Variants in CAMTA1 observed in about 807,000 individuals in gnomAD.
CAMTA1 encodes calmodulin binding transcription activator 1.
In CAMTA1, 27 loss-of-function variants were observed where a neutral mutation model predicts 170.9. That is an observed-to-expected ratio of 0.16 (90% CI 0.12 to 0.22). CAMTA1 has a LOEUF of 0.22. Ranked by LOEUF, CAMTA1 falls within the 10% of genes least tolerant of loss-of-function variation. The pLI is 1.00. For synonymous variants in CAMTA1, 833 were observed against 891.5 expected, an observed-to-expected ratio of 0.93 and a Z score of 1.17; for missense variants, 1,619 against 2,217.2, an observed-to-expected ratio of 0.73 and a Z score of 5.42.
At chr1:7,746,128 T>A (rs1234731848) in intron 18 of CAMTA1, 37 bp downstream of exon 18, 1 of 1,604,126 alleles carries the variant, frequency 6.2e-7, no homozygotes, top group Admixed American at 1.7e-5. Context: ...GTGACATTCT[T>A]AAGATCAGAG....
At chr1:7,648,019 G>A (rs2095821402) in intron 7 of CAMTA1, among the ~76,000 whole-genome samples, 1 of 152,182 alleles carries the variant, frequency 6.6e-6, no homozygotes, top group Non-Finnish European at 1.5e-5. Flanking sequence ...AGGGAGTTCA[G>A]GGCTGCAGTG....
chr1:7,405,116 C>T (rs58999337), intron 5 of CAMTA1, among the ~76,000 whole-genome samples: 3,618 of 152,042 alleles, frequency 0.024, 145 homozygotes, highest in African/African-American at 0.082. Flanking sequence ...AAGAGGTCCC[C>T]GGGCCTTCCC....
At chr1:7,228,422 C>T (rs965516274) in intron 4 of CAMTA1, among the ~76,000 whole-genome samples, 2 of 152,178 alleles carry the variant, frequency 1.3e-5, no homozygotes, top group African/African-American at 2.4e-5. Context: ...TGTGAGCCCT[C>T]GGCATAGCTC....
At chr1:7,126,424 C>A (rs1408257138) in intron 4 of CAMTA1, among the ~76,000 whole-genome samples, 2 of 152,188 alleles carry the variant, frequency 1.3e-5, no homozygotes, top group Non-Finnish European at 2.9e-5. Context: ...ACTCTGCAAT[C>A]TCAAAAGATT....
At chr1:6,986,778 G>C (rs941276364) in intron 3 of CAMTA1, among the ~76,000 whole-genome samples, 1 of 152,108 alleles carries the variant, frequency 6.6e-6, no homozygotes, top group Non-Finnish European at 1.5e-5. Context: ...TGCTGTGGAC[G>C]TGAGTTAATG....
intron 3 of CAMTA1, among the ~76,000 whole-genome samples, chr1:6,939,568 C>CCCGT (rs1250017178): frequency 6.6e-6 from 1 of 152,208 alleles, no homozygotes; most frequent in Non-Finnish European, 1.5e-5. Flanking sequence ...GCCATGGCCT[C>CCCGT]CCGTCCTCTC....
At chr1:7,361,745 T>C (rs148410334) in intron 5 of CAMTA1, among the ~76,000 whole-genome samples, 182 of 152,296 alleles carry the variant, frequency 1.2e-3, no homozygotes, top group Middle Eastern at 0.01. Flanking sequence ...TTAAAGAAAT[T>C]TGGGGTGAAA....
chr1:7,601,255 C>A (rs908763802), intron 6 of CAMTA1, among the ~76,000 whole-genome samples: 5 of 152,088 alleles, frequency 3.3e-5, no homozygotes, highest in Admixed American at 2.0e-4. Flanking sequence ...GGGCTCCTCA[C>A]TTCTCAGACG....
intron 4 of CAMTA1, among the ~76,000 whole-genome samples, chr1:7,148,028 C>T (rs1341953847): frequency 1.3e-5 from 2 of 150,732 alleles, no homozygotes; most frequent in African/African-American, 2.4e-5. Context: ...ATCACACATA[C>T]ACCACACACT....
At chr1:7,392,869 C>T (rs965734343) in intron 5 of CAMTA1, among the ~76,000 whole-genome samples, 11 of 150,888 alleles carry the variant, frequency 7.3e-5, no homozygotes, top group African/African-American at 2.4e-4. Flanking sequence ...GACTCTGTCT[C>T]GATCAATCAA....
intron 3 of CAMTA1, among the ~76,000 whole-genome samples, chr1:7,075,633 C>T (rs941597896): frequency 1.3e-5 from 2 of 150,090 alleles, no homozygotes; most frequent in Non-Finnish European, 1.5e-5. Flanking sequence ...TCTTCTTTGA[C>T]TTCCCGTGGT....
At chr1:7,583,696 A>G (rs1460681176) in intron 6 of CAMTA1, among the ~76,000 whole-genome samples, 2 of 152,088 alleles carry the variant, frequency 1.3e-5, no homozygotes, top group African/African-American at 4.8e-5. Flanking sequence ...GGTCGTCTGG[A>G]GGCTCTGTCC....
chr1:6,952,767 G>A (rs1225275435), intron 3 of CAMTA1, among the ~76,000 whole-genome samples: 1 of 152,210 alleles, frequency 6.6e-6, no homozygotes, highest in Non-Finnish European at 1.5e-5. Context: ...CCAGGAGGCG[G>A]AGGTAGCAGT....
At chr1:7,161,213 A>G (rs1260192945) in intron 4 of CAMTA1, among the ~76,000 whole-genome samples, 2 of 152,038 alleles carry the variant, frequency 1.3e-5, no homozygotes, top group Non-Finnish European at 2.9e-5. Flanking sequence ...CTTTCCCCAC[A>G]TTCCTTTCAT....
chr1:6,892,773 G>C (rs1031629456), intron 3 of CAMTA1, among the ~76,000 whole-genome samples: 1 of 151,862 alleles, frequency 6.6e-6, no homozygotes, highest in African/African-American at 2.4e-5. Context: ...GAAAAATGTG[G>C]GTTCAGAGGA....
intron 5 of CAMTA1, among the ~76,000 whole-genome samples, chr1:7,267,845 C>T (rs570211297): frequency 6.6e-6 from 1 of 152,306 alleles, no homozygotes; most frequent in East Asian, 1.9e-4. Flanking sequence ...CTGCCCCTCT[C>T]AGTGAGGAAG....
chr1:7,090,549 C>T (rs145809710), intron 3 of CAMTA1, among the ~76,000 whole-genome samples: 9 of 152,316 alleles, frequency 5.9e-5, no homozygotes, highest in Non-Finnish European at 1.2e-4. Flanking sequence ...TATCATGCCT[C>T]GAGCTGGAGC....
At position 7,357,038 on chromosome 1, in the gene CAMTA1, C is replaced by T. The variant is rs1010365618; in HGVS notation, c.438+107412C>T. ...ATTCCTAGTTGAAGCAGAGGCTCCC[C>T]GGAGTCCATTCATTCTGGCATCTCC... On this transcript the variant is annotated intron_variant, in intron 5 of 22. Transcript: ENST00000303635. Among the ~76,000 whole-genome samples the T allele has an allele frequency of 4.6e-5, 7 of 152,162 alleles. No individual in the cohort carries two copies. The East Asian group carries it at 9.6e-4, about 21-fold the overall frequency.
At chr1:7,558,027 T>C (rs568507153) in intron 6 of CAMTA1, among the ~76,000 whole-genome samples, 2 of 152,276 alleles carry the variant, frequency 1.3e-5, no homozygotes, top group South Asian at 4.1e-4. Context: ...GCCTCTGCCA[T>C]TCCCGGCATC....
Sources: allele counts gnomAD v4.1 joint callset (sites outside exome capture counted in the v4.1 genomes callset), GRCh38; gene constraint gnomAD v4.1.1; transcripts MANE v1.5; gene names NCBI Gene and HGNC (gene_info 2026-07-23, HGNC 2026-07-21).